NELL1: variants seen among roughly 807,000 people sequenced by gnomAD.
NELL1 encodes neural EGFL like 1, also known as protein kinase C-binding protein NELL1.
A neutral mutation model predicts 107.4 loss-of-function variants in NELL1; 76 were observed. That is an observed-to-expected ratio of 0.71 (90% CI 0.59 to 0.86). The LOEUF is 0.86. NELL1 is among the 40% of genes least tolerant of loss of function. The pLI is 0.00. For missense variants in NELL1, 1,024 were observed against 1,005.5 expected (o/e 1.02, Z -0.25); for synonymous variants, 353 against 341.2 (o/e 1.03, Z -0.38).
intron 3 of NELL1, among the ~76,000 whole-genome samples, chr11:20,843,109 C>G (rs973370861): frequency 2.0e-5 from 3 of 152,142 alleles, no homozygotes; most frequent in Admixed American, 6.5e-5. Context: ...GGTACTCTCT[C>G]TCTATATGTG....
chr11:21,105,652 C>T (rs539884708), intron 12 of NELL1, among the ~76,000 whole-genome samples: 36 of 152,170 alleles, frequency 2.4e-4, no homozygotes, highest in Non-Finnish European at 4.3e-4. Context: ...ATGGGTTGCT[C>T]TTTGTTAGAA....
chr11:20,902,170 C>T (rs1849889351), intron 5 of NELL1, among the ~76,000 whole-genome samples: 1 of 151,846 alleles, frequency 6.6e-6, no homozygotes, highest in Non-Finnish European at 1.5e-5. Flanking sequence ...GATGGGTTTA[C>T]TGCATAAAAT....
At chr11:21,379,188 A>G (rs1851553304) in intron 15 of NELL1, among the ~76,000 whole-genome samples, 1 of 152,086 alleles carries the variant, frequency 6.6e-6, no homozygotes, top group African/African-American at 2.4e-5. Context: ...GTGTATAAAT[A>G]CAATTGTGTA....
intron 12 of NELL1, among the ~76,000 whole-genome samples, chr11:21,036,868 A>G (rs753902181): frequency 2.6e-5 from 4 of 152,128 alleles, no homozygotes; most frequent in Non-Finnish European, 5.9e-5. Context: ...ATTTTTAAAA[A>G]CATGAAAAAC....
intron 9 of NELL1, among the ~76,000 whole-genome samples, chr11:20,929,830 G>C (rs536157191): frequency 6.6e-6 from 1 of 152,136 alleles, no homozygotes; most frequent in Admixed American, 6.5e-5. Flanking sequence ...AAATTAGCTG[G>C]GTGTGGTGGT....
At chr11:20,858,981 G>A (rs955851490) in intron 4 of NELL1, among the ~76,000 whole-genome samples, 3 of 152,194 alleles carry the variant, frequency 2.0e-5, no homozygotes, top group African/African-American at 7.2e-5. Context: ...TTATTACCCA[G>A]AGATGAAAAA....
chr11:20,993,814 C>T (rs762776594), intron 12 of NELL1, among the ~76,000 whole-genome samples: 1 of 151,270 alleles, frequency 6.6e-6, no homozygotes, highest in Non-Finnish European at 1.5e-5. Flanking sequence ...ATATTTTTGA[C>T]CTGCAGTTGG....
At chr11:20,808,198 G>A (rs1158267761) in intron 3 of NELL1, among the ~76,000 whole-genome samples, 1 of 152,180 alleles carries the variant, frequency 6.6e-6, no homozygotes, top group Non-Finnish European at 1.5e-5. Context: ...GGCTCATCCA[G>A]GGTCCGTGGG....
intron 15 of NELL1, among the ~76,000 whole-genome samples, chr11:21,457,257 G>A (rs1220721623): frequency 6.6e-6 from 1 of 152,058 alleles, no homozygotes; most frequent in Non-Finnish European, 1.5e-5. Flanking sequence ...TGGTGTTGAT[G>A]GAATATTATG....
chr11:21,364,932 C>G (rs1231303388), intron 14 of NELL1, among the ~76,000 whole-genome samples: 2 of 152,134 alleles, frequency 1.3e-5, no homozygotes, highest in Admixed American at 1.3e-4. Flanking sequence ...GTTATAAACA[C>G]CTTTTCATTT....
chr11:20,689,753 C>T (rs1209491562), intron 2 of NELL1, among the ~76,000 whole-genome samples: 12 of 151,352 alleles, frequency 7.9e-5, no homozygotes, highest in African/African-American at 1.9e-4. Flanking sequence ...CATACGTGTG[C>T]GTGTGTCTTT....
At chr11:21,512,006 A>T (rs11827302) in intron 15 of NELL1, among the ~76,000 whole-genome samples, 2,958 of 152,258 alleles carry the variant, frequency 0.019, 101 homozygotes, top group African/African-American at 0.066. Flanking sequence ...CAGGGCCCAG[A>T]TCCACCCCAT....
chr11:21,412,235 T>G (rs1392948617), intron 15 of NELL1, among the ~76,000 whole-genome samples: 1 of 152,090 alleles, frequency 6.6e-6, no homozygotes, highest in Non-Finnish European at 1.5e-5. Context: ...GTTAGAGATA[T>G]TTTTTCCTGT....
chr11:20,786,575 C>G (rs1856963557), intron 3 of NELL1, among the ~76,000 whole-genome samples: 1 of 151,888 alleles, frequency 6.6e-6, no homozygotes, highest in African/African-American at 2.4e-5. Flanking sequence ...AAATATGTTA[C>G]TGGGGGCAAA....
At chr11:20,988,776 A>G (rs2134254384) in intron 12 of NELL1, among the ~76,000 whole-genome samples, 1 of 151,398 alleles carries the variant, frequency 6.6e-6, no homozygotes, top group South Asian at 2.1e-4. Flanking sequence ...TTTAGTAGAG[A>G]TGGGGTTTCA....
intron 12 of NELL1, among the ~76,000 whole-genome samples, chr11:21,084,868 A>G (rs746202215): frequency 2.1e-4 from 32 of 152,264 alleles, no homozygotes; most frequent in Non-Finnish European, 3.4e-4. Flanking sequence ...TCAGTGTGAT[A>G]ATGGTTAAGC....
chr11:20,972,056 G>C (rs10833418), intron 12 of NELL1, among the ~76,000 whole-genome samples: 29,988 of 150,340 alleles, frequency 0.2, 3,847 homozygotes, highest in African/African-American at 0.36. Flanking sequence ...GGGAGGGAGA[G>C]CATTAGGACA....
intron 12 of NELL1, among the ~76,000 whole-genome samples, chr11:21,030,289 T>A (rs114663112): frequency 9.8e-5 from 15 of 152,306 alleles, no homozygotes; most frequent in African/African-American, 3.4e-4. Flanking sequence ...CCTTGTCACA[T>A]TGAGAAGATA....
intron 12 of NELL1, among the ~76,000 whole-genome samples, chr11:20,988,344 C>T (rs1224751339): frequency 6.6e-6 from 1 of 151,252 alleles, no homozygotes; most frequent in Non-Finnish European, 1.5e-5. Flanking sequence ...GATAATGGCA[C>T]AAATATACAT....
Sources: allele counts gnomAD v4.1 joint callset (sites outside exome capture counted in the v4.1 genomes callset), GRCh38; gene constraint gnomAD v4.1.1; transcripts MANE v1.5; gene names NCBI Gene and HGNC (gene_info 2026-07-23, HGNC 2026-07-21).